Variants in R3HCC1L observed in about 807,000 individuals in gnomAD.
R3HCC1L encodes the protein coiled-coil domain-containing protein R3HCC1L.
In R3HCC1L, 51 loss-of-function variants were observed where a neutral mutation model predicts 59.9. That is an observed-to-expected ratio of 0.85 (90% CI 0.68 to 1.07). The LOEUF is 1.07. Among genes scored for constraint, R3HCC1L ranks in the 50% least tolerant of loss-of-function variants. R3HCC1L has a pLI of 0.00. For synonymous variants in R3HCC1L, 322 were observed against 315.2 expected (o/e 1.02, Z -0.23); for missense variants, 965 against 933.0 (o/e 1.03, Z -0.45).
chr10:98,223,670 A>G (rs1187494604), intron 5 of R3HCC1L, among the ~76,000 whole-genome samples: 2 of 151,932 alleles, frequency 1.3e-5, no homozygotes, highest in East Asian at 1.9e-4. Flanking sequence ...GAGTTTTTCA[A>G]TGGCTTAGGC....
chr10:98,135,080 G>A (rs1564969298), intron 1 of R3HCC1L, among the ~76,000 whole-genome samples: 2 of 152,254 alleles, frequency 1.3e-5, no homozygotes, highest in South Asian at 2.1e-4. Context: ...TGGGCCCCCA[G>A]GGCTGCCGGC....
intron 1 of R3HCC1L, among the ~76,000 whole-genome samples, chr10:98,136,525 A>G (rs946019597): frequency 6.6e-6 from 1 of 152,232 alleles, no homozygotes; most frequent in Admixed American, 6.5e-5. Flanking sequence ...GTAATTTTAT[A>G]TAGTATTTTT....
At chr10:98,202,063 ATT>A (rs1852113015) in intron 4 of R3HCC1L, among the ~76,000 whole-genome samples, 1 of 151,934 alleles carries the variant, frequency 6.6e-6, no homozygotes, top group East Asian at 1.9e-4. Context: ...TCTGGCTGAG[ATT>A]TTAACATTAA....
At chr10:98,188,183 C>T (rs1046667047) in intron 4 of R3HCC1L, among the ~76,000 whole-genome samples, 6 of 152,136 alleles carry the variant, frequency 3.9e-5, no homozygotes, top group African/African-American at 1.4e-4. Context: ...ATTTAACAAA[C>T]ATCTTATTGA....
intron 5 of R3HCC1L, among the ~76,000 whole-genome samples, chr10:98,211,867 T>C (rs949115665): frequency 2.0e-5 from 3 of 152,140 alleles, no homozygotes; most frequent in Non-Finnish European, 4.4e-5. Context: ...TTCAGGTCTT[T>C]CCAGTGTTTA....
intron 4 of R3HCC1L, among the ~76,000 whole-genome samples, chr10:98,179,602 C>G (rs1048093948): frequency 2.0e-5 from 3 of 152,146 alleles, no homozygotes; most frequent in Non-Finnish European, 4.4e-5. Context: ...AGGATTCCCT[C>G]TTTTTCTATT....
chr10:98,213,592 G>T (rs1853832462), intron 5 of R3HCC1L, among the ~76,000 whole-genome samples: 2 of 151,976 alleles, frequency 1.3e-5, no homozygotes, highest in Admixed American at 6.6e-5. Flanking sequence ...TGTTGGTGAG[G>T]CTATAGAATT....
At chr10:98,145,654 A>G (rs1031610145) in intron 1 of R3HCC1L, among the ~76,000 whole-genome samples, 10 of 152,204 alleles carry the variant, frequency 6.6e-5, no homozygotes, top group African/African-American at 2.4e-4. Flanking sequence ...GTAGAGCCAC[A>G]TAAGAAAACC....
intron 1 of R3HCC1L, among the ~76,000 whole-genome samples, chr10:98,148,647 G>GT (rs1040624811): frequency 2.6e-5 from 4 of 152,038 alleles, no homozygotes; most frequent in African/African-American, 9.7e-5. Flanking sequence ...TGATCATAGG[G>GT]TTTTTTGTTC....
intron 4 of R3HCC1L, among the ~76,000 whole-genome samples, chr10:98,184,904 G>A (rs1324384864): frequency 6.6e-6 from 1 of 152,054 alleles, no homozygotes; most frequent in African/African-American, 2.4e-5. Flanking sequence ...GTTTACTATA[G>A]GTAAAGTAGT....
chr10:98,143,388 G>C (rs10736122), intron 1 of R3HCC1L, among the ~76,000 whole-genome samples: 1 of 152,110 alleles, frequency 6.6e-6, no homozygotes, highest in African/African-American at 2.4e-5. Context: ...TTGATCCTTC[G>C]TGTGAGAACC....
chr10:98,211,611 G>A (rs796509496), intron 5 of R3HCC1L, among the ~76,000 whole-genome samples: 8 of 152,318 alleles, frequency 5.3e-5, no homozygotes, highest in African/African-American at 1.2e-4. Context: ...TGAACATGGA[G>A]GAGAGATGAA....
chr10:98,140,931 G>A (rs889298707), intron 1 of R3HCC1L, among the ~76,000 whole-genome samples: 11 of 151,336 alleles, frequency 7.3e-5, no homozygotes, highest in African/African-American at 1.9e-4. Flanking sequence ...AGAAAACATG[G>A]CAAATACAGG....
At chr10:98,231,085 A>C (rs529890622) in intron 5 of R3HCC1L, 2 of 405,442 alleles carry the variant, frequency 4.9e-6, no homozygotes, top group Non-Finnish European at 9.6e-6. Flanking sequence ...ACTTTTTTTC[A>C]TTTTTGTTCA....
intron 5 of R3HCC1L, among the ~76,000 whole-genome samples, chr10:98,224,963 G>T (rs929576682): frequency 5.3e-5 from 8 of 152,126 alleles, no homozygotes; most frequent in African/African-American, 1.9e-4. Flanking sequence ...AGCCATATTA[G>T]AAAAGTAATA....
intron 4 of R3HCC1L, among the ~76,000 whole-genome samples, chr10:98,187,823 A>G (rs1285293981): frequency 6.6e-6 from 1 of 151,046 alleles, no homozygotes; most frequent in Non-Finnish European, 1.5e-5. Flanking sequence ...TGTAACCTCA[A>G]ACTCCTGGGC....
Position 98,244,101 on chromosome 10 carries a change from G to A in R3HCC1L, c.2280G>A (p.Arg760=), listed in dbSNP as rs1021705284. The change falls in exon 10 of 10, where the codon CGG becomes CGA. Residue 760 remains arginine (R), a synonymous_variant. Coordinates refer to ENST00000298999, the MANE Select transcript of R3HCC1L (RefSeq NM_001351015.2). ...TGCTCTTATTTACAGAGAGAAAGCG[G>A]TTGGAAGCCAAGCAACGGGAAGACA... is the stretch of plus-strand genomic sequence containing the variant. The part of the protein sequence containing the change: ...KKLQEARERK[R]LEAKQREDIW... 91 of 1,613,846 alleles carry A rather than the reference G, an allele frequency of 5.6e-5. No homozygotes were observed. The highest frequency in any genetic ancestry group is 7.6e-5 in the Non-Finnish European group (90 of 1,179,880).
chr10:98,172,553 C>T (rs901211850), intron 4 of R3HCC1L, among the ~76,000 whole-genome samples: 2 of 152,176 alleles, frequency 1.3e-5, no homozygotes, highest in South Asian at 4.1e-4. Context: ...GGCTATCCAT[C>T]ATCTGGAGGC....
intron 5 of R3HCC1L, among the ~76,000 whole-genome samples, chr10:98,229,596 A>G (rs375757719): frequency 4.6e-5 from 7 of 152,146 alleles, no homozygotes; most frequent in Admixed American, 6.6e-5. Flanking sequence ...TGATTGCCCT[A>G]GCCAGAACTT....
Sources: allele counts gnomAD v4.1 joint callset (sites outside exome capture counted in the v4.1 genomes callset), GRCh38; gene constraint gnomAD v4.1.1; transcripts MANE v1.5; gene names NCBI Gene and HGNC (gene_info 2026-07-23, HGNC 2026-07-21).